The following THSD7B variants were observed in gnomAD, a reference collection of about 807,000 sequenced individuals.
THSD7B encodes thrombospondin type-1 domain-containing protein 7B.
A neutral mutation model predicts 213.6 loss-of-function variants in THSD7B; 138 were observed. The observed-to-expected ratio is 0.65, with a 90% CI of 0.56 to 0.74. The LOEUF (loss-of-function observed/expected upper bound fraction) is 0.74. Among genes scored for constraint, THSD7B ranks in the 30% least tolerant of loss-of-function variants. The pLI is 0.00. For missense variants in THSD7B, 1,931 were observed against 1,991.5 expected (o/e 0.97, Z 0.58); for synonymous variants, 742 against 687.0 (o/e 1.08, Z -1.25).
At chr2:136,890,327 T>TCTCCTTCTC (rs1683799359) in intron 2 of THSD7B, among the ~76,000 whole-genome samples, 2 of 12,974 alleles carry the variant, frequency 1.5e-4, no homozygotes, top group African/African-American at 5.7e-4. Flanking sequence ...TTCTTCTTCT[T>TCTCCTTCTC]CTTCTTCTTC....
At chr2:137,101,051 T>A (rs749034) in intron 4 of THSD7B, among the ~76,000 whole-genome samples, 23,052 of 152,190 alleles carry the variant, frequency 0.15, 1,890 homozygotes, top group Non-Finnish European at 0.16. Context: ...TGTCATTTGT[T>A]TTGAAATGGA....
At chr2:137,175,241 T>C (rs1680337073) in intron 7 of THSD7B, among the ~76,000 whole-genome samples, 1 of 152,106 alleles carries the variant, frequency 6.6e-6, no homozygotes, top group Admixed American at 6.5e-5. Context: ...CACCCATAAC[T>C]TTTGCCCCAT....
At position 137,575,742 on chromosome 2, in the gene THSD7B, A is replaced by ATATATATATATATATTTT. The variant is rs1235744133; in HGVS notation, c.3423+3187_3423+3188insATATATATATATATTTTT. ...ATAACACACATATATATATATATAT[A>ATATATATATATATATTTT]TTTTTACTTTAACATGCTTACTTTT... On this transcript the variant is annotated intron_variant, in intron 17 of 27. Transcript: ENST00000409968. Among the ~76,000 whole-genome samples, 633 of 147,352 alleles carry ATATATATATATATATTTT rather than the reference A, an allele frequency of 4.3e-3. 2 individuals are homozygous for ATATATATATATATATTTT. Among genetic ancestry groups the ATATATATATATATATTTT allele is most frequent in the East Asian group, 9.0e-3 (45 of 5,016 alleles).
At chr2:137,318,743 C>G (rs1378235396) in intron 12 of THSD7B, among the ~76,000 whole-genome samples, 1 of 146,350 alleles carries the variant, frequency 6.8e-6, no homozygotes, top group Non-Finnish European at 1.5e-5. Flanking sequence ...TTTTAAAACC[C>G]TTTGTCCTTC....
chr2:136,873,020 C>CCA (rs1553454604), intron 1 of THSD7B, among the ~76,000 whole-genome samples: 1 of 57,872 alleles, frequency 1.7e-5, no homozygotes, highest in Admixed American at 2.4e-4. Flanking sequence ...AAGACTCCAT[C>CCA]TAAAAAAAAA....
chr2:137,108,374 T>A (rs1688292694), intron 4 of THSD7B, among the ~76,000 whole-genome samples: 2 of 152,268 alleles, frequency 1.3e-5, no homozygotes, highest in South Asian at 2.1e-4. Context: ...ATGTGCCTAC[T>A]TTTCTAATTT....
chr2:137,620,892 A>G (rs1682507958), intron 20 of THSD7B, among the ~76,000 whole-genome samples, 166 bp downstream of exon 20: 1 of 152,200 alleles, frequency 6.6e-6, no homozygotes, highest in East Asian at 1.9e-4. Context: ...AGTCCAGGAG[A>G]GTGAGGCAGA....
At chr2:137,245,236 G>T (rs1347032013) in intron 10 of THSD7B, among the ~76,000 whole-genome samples, 1 of 152,132 alleles carries the variant, frequency 6.6e-6, no homozygotes, top group Non-Finnish European at 1.5e-5. Context: ...GATAACTGTG[G>T]TTGTATTTTC....
intron 17 of THSD7B, 70 bp from the exon 18 acceptor site, chr2:137,616,105 A>G (rs1682380038): frequency 1.3e-6 from 2 of 1,517,828 alleles, no homozygotes; most frequent in South Asian, 2.5e-5. Flanking sequence ...GCCTACTTAT[A>G]CCTGTATATC....
At chr2:137,626,481 GAA>G (rs1200408999) in intron 20 of THSD7B, among the ~76,000 whole-genome samples, 52 of 141,270 alleles carry the variant, frequency 3.7e-4, no homozygotes, top group African/African-American at 1.3e-3. Flanking sequence ...AAAAAAAAAA[GAA>G]AAAGAAAAAG....
chr2:137,633,732 A>T (rs897843795), intron 20 of THSD7B, among the ~76,000 whole-genome samples: 11 of 152,286 alleles, frequency 7.2e-5, no homozygotes, highest in Middle Eastern at 3.4e-3. Context: ...AGGGGGAGGA[A>T]TTCTCAGGGG....
intron 12 of THSD7B, among the ~76,000 whole-genome samples, chr2:137,313,522 G>A (rs1238304211): frequency 1.3e-5 from 2 of 150,966 alleles, no homozygotes; most frequent in African/African-American, 4.9e-5. Flanking sequence ...AGTTAATATT[G>A]TTATGTGTGA....
At chr2:136,821,073 A>G (rs921867219) in intron 1 of THSD7B, among the ~76,000 whole-genome samples, 5 of 152,350 alleles carry the variant, frequency 3.3e-5, no homozygotes, top group Admixed American at 3.3e-4. Flanking sequence ...TATAAAAATG[A>G]CAATCTCATT....
At chr2:137,555,611 T>C (rs1680944636) in intron 15 of THSD7B, among the ~76,000 whole-genome samples, 2 of 144,408 alleles carry the variant, frequency 1.4e-5, no homozygotes, top group Admixed American at 6.8e-5. Context: ...AGCAGAAAAA[T>C]TGAAAATTCT....
At chr2:137,096,216 T>C (rs1219407903) in intron 4 of THSD7B, among the ~76,000 whole-genome samples, 1 of 152,218 alleles carries the variant, frequency 6.6e-6, no homozygotes, top group African/African-American at 2.4e-5. Flanking sequence ...GGCATTTTTC[T>C]TATAGTTTCT....
chr2:137,101,415 T>G (rs1470597757), intron 4 of THSD7B, among the ~76,000 whole-genome samples: 1 of 152,188 alleles, frequency 6.6e-6, no homozygotes, highest in East Asian at 1.9e-4. Context: ...TCAGATAAAT[T>G]AACAGATTCT....
chr2:137,315,772 C>T (rs1038576344), intron 12 of THSD7B, among the ~76,000 whole-genome samples: 14 of 152,148 alleles, frequency 9.2e-5, no homozygotes, highest in African/African-American at 3.1e-4. Flanking sequence ...GATAGCTAGC[C>T]AGTTATCCCT....
At chr2:137,344,401 G>A (rs1026104016) in intron 12 of THSD7B, among the ~76,000 whole-genome samples, 3 of 151,756 alleles carry the variant, frequency 2.0e-5, no homozygotes, top group Admixed American at 6.6e-5. Flanking sequence ...GCATCAGACT[G>A]TACAGGCCTT....
intron 7 of THSD7B, among the ~76,000 whole-genome samples, chr2:137,187,589 G>T (rs961998610): frequency 6.6e-5 from 10 of 152,136 alleles, no homozygotes; most frequent in Non-Finnish European, 1.2e-4. Context: ...TAAGAGGCTA[G>T]AAATACAAGA....
Sources: allele counts gnomAD v4.1 joint callset (sites outside exome capture counted in the v4.1 genomes callset), GRCh38; gene constraint gnomAD v4.1.1; transcripts MANE v1.5; gene names NCBI Gene and HGNC (gene_info 2026-07-23, HGNC 2026-07-21).